Variants in EML6 observed in about 807,000 individuals in gnomAD.
EML6 encodes the protein EMAP like 6, also known as echinoderm microtubule-associated protein-like 6.
In EML6, 154 loss-of-function variants were observed where a neutral mutation model predicts 240.1. The ratio of observed to expected loss-of-function variants is 0.64; its 90% CI spans 0.56 to 0.73. The LOEUF is 0.73. Ranked by LOEUF, EML6 falls within the 30% of genes least tolerant of loss-of-function variation. EML6 has a pLI of 0.00. For missense variants in EML6, 2,964 were observed against 2,474.6 expected, an observed-to-expected ratio of 1.20 and a Z score of -4.20; for synonymous variants, 1,148 against 899.0, an observed-to-expected ratio of 1.28 and a Z score of -4.95.
intron 28 of EML6, among the ~76,000 whole-genome samples, chr2:54,938,878 C>T (rs549951442): frequency 1.3e-5 from 2 of 152,294 alleles, no homozygotes; most frequent in East Asian, 3.9e-4. Context: ...TATCTCATTT[C>T]TGTTGGTGGG....
intron 28 of EML6, among the ~76,000 whole-genome samples, chr2:54,940,796 C>G (rs1675390425): frequency 6.6e-6 from 1 of 152,152 alleles, no homozygotes; most frequent in Admixed American, 6.5e-5. Context: ...GGCAAAATGA[C>G]TTTTTGATCT....
At position 54,790,807 on chromosome 2, in the gene EML6, G is replaced by C. The variant is rs895112526; in HGVS notation, c.198-22425G>C. ...GTGGCGCGATCTTGGCTCACTGCAA[G>C]CTCCGCCTCCCAGGTTCACACCATT... On this transcript the variant is annotated intron_variant, in intron 2 of 41. Coordinates refer to ENST00000356458, the MANE Select transcript of EML6 (RefSeq NM_001039753.4). Among the ~76,000 whole-genome samples the C allele has an allele frequency of 1.8e-3, 262 of 146,596 alleles. 3 individuals carry two copies. Among genetic ancestry groups the C allele is most frequent in the African/African-American group, 6.2e-3 (248 of 39,890 alleles).
intron 2 of EML6, among the ~76,000 whole-genome samples, chr2:54,726,765 T>G (rs182090708): frequency 9.2e-5 from 14 of 152,318 alleles, no homozygotes; most frequent in Admixed American, 5.9e-4. Flanking sequence ...CATGAAAAGG[T>G]TAGATGTTTA....
intron 22 of EML6, among the ~76,000 whole-genome samples, chr2:54,900,061 A>G (rs1463531211): frequency 6.6e-6 from 1 of 152,172 alleles, no homozygotes; most frequent in Non-Finnish European, 1.5e-5. Context: ...TCTCATTGAG[A>G]GCTGTGGGAG....
rs532473883 is a variant in EML6 at position 54,744,416 on chromosome 2, A to G, written c.197+19158A>G. On this transcript the variant is annotated intron_variant, in intron 2 of 41. Transcript: ENST00000356458. ...TGATTTCACATTTGGACTGGATAAA[A>G]ATCCAAATGCGGAGGTGAGCCATGG... is the stretch of plus-strand genomic sequence containing the variant. Among the ~76,000 whole-genome samples, 17 of 152,280 alleles carry G rather than the reference A, an allele frequency of 1.1e-4. No individual in the cohort carries two copies. The South Asian group carries it at 3.5e-3, about 32-fold the overall frequency.
chr2:54,746,953 T>G (rs1683941813), intron 2 of EML6: 1 of 152,206 alleles, frequency 6.6e-6, no homozygotes, highest in African/African-American at 2.4e-5. Flanking sequence ...TTTTACTGAA[T>G]GTCAATTACT....
At chr2:54,920,667 G>A (rs2104345597) in intron 26 of EML6, among the ~76,000 whole-genome samples, 1 of 152,146 alleles carries the variant, frequency 6.6e-6, no homozygotes, top group Middle Eastern at 3.4e-3. Flanking sequence ...CTTCTTAGAA[G>A]GCCAGTAGAA....
intron 17 of EML6, chr2:54,882,091 C>T (rs1477104924): frequency 1.3e-5 from 2 of 152,196 alleles, no homozygotes; most frequent in East Asian, 3.8e-4. Context: ...TCTTTAGCAG[C>T]TCACAGAAAC....
chr2:54,889,157 C>T (rs971250095), intron 17 of EML6, among the ~76,000 whole-genome samples: 8 of 152,118 alleles, frequency 5.3e-5, no homozygotes, highest in African/African-American at 1.9e-4. Flanking sequence ...ATTTGTCAGT[C>T]AACTCATACA....
intron 12 of EML6, among the ~76,000 whole-genome samples, chr2:54,860,533 C>T (rs1227022239): frequency 6.6e-6 from 1 of 152,140 alleles, no homozygotes; most frequent in Non-Finnish European, 1.5e-5. Context: ...AGAAACAGAC[C>T]TCTGAGCCTC....
chr2:54,745,714 G>A (rs1033723075), intron 2 of EML6, among the ~76,000 whole-genome samples: 34 of 152,246 alleles, frequency 2.2e-4, no homozygotes, highest in Middle Eastern at 3.4e-3. Flanking sequence ...CCAGGAAATT[G>A]TGGCTGCAGT....
chr2:54,820,539 G>T, intron 5 of EML6, 77 bp downstream of exon 5: 3 of 853,708 alleles, frequency 3.5e-6, no homozygotes, highest in South Asian at 1.6e-5. Flanking sequence ...ATTTGATGTT[G>T]AGAGACTGCT....
At chr2:54,846,907 T>C (rs536094463) in intron 8 of EML6, among the ~76,000 whole-genome samples, 1 of 148,772 alleles carries the variant, frequency 6.7e-6, no homozygotes, top group East Asian at 2.0e-4. Flanking sequence ...GAAAGTAATA[T>C]TTTGTATGAA....
chr2:54,834,384 C>A (rs1033490137), intron 7 of EML6, among the ~76,000 whole-genome samples: 1 of 152,042 alleles, frequency 6.6e-6, no homozygotes, highest in Non-Finnish European at 1.5e-5. Context: ...AGTCCATCAA[C>A]CAAAATGAAT....
chr2:54,850,371 T>C, intron 10 of EML6, 153 bp downstream of exon 10: 1 of 634,194 alleles, frequency 1.6e-6, no homozygotes, highest in Middle Eastern at 2.7e-4. Context: ...GCAAGGAATG[T>C]TTTCTGTCGC....
chr2:54,729,653 G>C (rs1323009918), intron 2 of EML6, among the ~76,000 whole-genome samples: 1 of 152,230 alleles, frequency 6.6e-6, no homozygotes, highest in African/African-American at 2.4e-5. Context: ...AAAGCTGCAA[G>C]CTTTGGCTTC....
chr2:54,859,199 G>A (rs1670545696), intron 11 of EML6, among the ~76,000 whole-genome samples: 1 of 152,138 alleles, frequency 6.6e-6, no homozygotes, highest in African/African-American at 2.4e-5. Context: ...AGGATTGCCT[G>A]TCTTATCTTT....
chr2:54,955,770 C>G (rs1460235937), intron 32 of EML6, among the ~76,000 whole-genome samples: 1 of 152,192 alleles, frequency 6.6e-6, no homozygotes, highest in African/African-American at 2.4e-5. Context: ...AAAAGAGGAG[C>G]CTGCTCTTGT....
At chr2:54,734,582 C>T (rs1397232507) in intron 2 of EML6, among the ~76,000 whole-genome samples, 2 of 152,168 alleles carry the variant, frequency 1.3e-5, no homozygotes, top group African/African-American at 4.8e-5. Flanking sequence ...CTGATATTGG[C>T]AGGCACTGGG....
Sources: gnomAD v4.1 joint callset for allele counts (sites outside exome capture counted in the v4.1 genomes callset) on GRCh38, gnomAD v4.1.1 for gene constraint, MANE v1.5 for transcripts, NCBI Gene and HGNC (gene_info 2026-07-23, HGNC 2026-07-21) for gene names.